Variants in OOSP3 observed in about 807,000 individuals in gnomAD.
OOSP3 encodes oocyte secreted protein family member 3, also known as oocyte-secreted protein 3.
chr11:59,883,738 G>C (rs777006176), intron 2 of OOSP3, among the ~76,000 whole-genome samples: 6 of 152,270 alleles, frequency 3.9e-5, no homozygotes, highest in Non-Finnish European at 7.4e-5. Flanking sequence ...AAAGACAGGG[G>C]ACTGCACAAT....
intron 2 of OOSP3, among the ~76,000 whole-genome samples, chr11:59,881,188 G>T (rs1397892808): frequency 6.6e-6 from 1 of 151,712 alleles, no homozygotes; most frequent in Non-Finnish European, 1.5e-5. Context: ...GTGAAATGCT[G>T]TCTCTACTAA....
intron 2 of OOSP3, among the ~76,000 whole-genome samples, chr11:59,885,058 G>C (rs1273276514): frequency 6.6e-6 from 1 of 152,136 alleles, no homozygotes; most frequent in Non-Finnish European, 1.5e-5. Flanking sequence ...TTTATCTTTG[G>C]TTGTGGAGAG....
intron 1 of OOSP3, among the ~76,000 whole-genome samples, chr11:59,879,201 A>G (rs1853179272): frequency 6.6e-6 from 1 of 152,018 alleles, no homozygotes; most frequent in Admixed American, 6.6e-5. Context: ...TCCACCTCCC[A>G]CCCTGATCTC....
At chr11:59,895,428 A>G (rs942886192) in intron 3 of OOSP3, 74 bp from the exon 4 acceptor site, 1 of 397,106 alleles carries the variant, frequency 2.5e-6, no homozygotes, top group Non-Finnish European at 4.4e-6. Flanking sequence ...AATTCAGACA[A>G]AAAGAGACTT....
chr11:59,896,146 A>G (rs745649614), exon 5 of OOSP3: 2 of 398,320 alleles, frequency 5.0e-6, no homozygotes, highest in Non-Finnish European at 8.9e-6. Flanking sequence ...GAGGCATCTC[A>G]TCAGTCACTT....
intron 3 of OOSP3, 133 bp from the exon 4 acceptor site, chr11:59,895,369 T>C (rs1853346174): frequency 2.6e-6 from 1 of 384,578 alleles, no homozygotes; most frequent in East Asian, 3.7e-5. Context: ...GGCAGAGAGG[T>C]AGCAGTGTTA....
intron 2 of OOSP3, among the ~76,000 whole-genome samples, chr11:59,892,878 CA>C (rs201637456): frequency 0.012 from 1,896 of 152,258 alleles, 14 homozygotes; most frequent in Non-Finnish European, 0.019. Context: ...GAGATTCTAT[CA>C]TTTTTTTCTT....
At chr11:59,885,578 T>A (rs1853247505) in intron 2 of OOSP3, among the ~76,000 whole-genome samples, 1 of 152,212 alleles carries the variant, frequency 6.6e-6, no homozygotes, top group Admixed American at 6.5e-5. Flanking sequence ...GTATTTGATT[T>A]TCTGTTCCTG....
chr11:59,891,346 G>A (rs1394949823), intron 2 of OOSP3, among the ~76,000 whole-genome samples: 1 of 152,192 alleles, frequency 6.6e-6, no homozygotes, highest in Non-Finnish European at 1.5e-5. Flanking sequence ...ATTTGGAGGG[G>A]AAGAGGCATT....
intron 2 of OOSP3, among the ~76,000 whole-genome samples, chr11:59,887,676 A>G (rs950090200): frequency 8.5e-5 from 13 of 152,190 alleles, no homozygotes; most frequent in African/African-American, 3.1e-4. Context: ...TTGCACCAGT[A>G]CCATGCTGTT....
chr11:59,893,389 CT>C (rs1258421859), intron 2 of OOSP3, among the ~76,000 whole-genome samples: 2 of 151,924 alleles, frequency 1.3e-5, no homozygotes, highest in Admixed American at 6.6e-5. Context: ...GAGTCTTGTT[CT>C]GTCATCAAGG....
At chr11:59,884,991 A>AT (rs1305092516) in intron 2 of OOSP3, among the ~76,000 whole-genome samples, 2 of 152,248 alleles carry the variant, frequency 1.3e-5, no homozygotes, top group Admixed American at 6.5e-5. Context: ...ATTGTTAAAT[A>AT]TGATGTTGGC....
chr11:59,896,195 A>C (rs1853356029), exon 5 of OOSP3: 1 of 398,448 alleles, frequency 2.5e-6, no homozygotes, highest in Non-Finnish European at 4.4e-6. Context: ...ATGAGAGTGC[A>C]AATGTAGCTA....
At chr11:59,884,450 T>G (rs502768) in intron 2 of OOSP3, among the ~76,000 whole-genome samples, 1 of 124,402 alleles carries the variant, frequency 8.0e-6, no homozygotes, top group Non-Finnish European at 1.7e-5. Context: ...CATGTCTGTT[T>G]GTCTGTCTGT....
intron 2 of OOSP3, among the ~76,000 whole-genome samples, chr11:59,888,933 T>G (rs150577983): frequency 1.3e-5 from 2 of 152,182 alleles, no homozygotes; most frequent in African/African-American, 4.8e-5. Context: ...GTCCTGGGCT[T>G]CTTTGTTTGT....
chr11:59,880,483 T>C, intron 2 of OOSP3, 44 bp downstream of exon 2: 1 of 398,350 alleles, frequency 2.5e-6, no homozygotes, highest in African/African-American at 2.1e-5. Flanking sequence ...ACCCCTAGGT[T>C]GTACCTTGCA....
At chr11:59,888,758 CT>C (rs942888281) in intron 2 of OOSP3, among the ~76,000 whole-genome samples, 4 of 152,056 alleles carry the variant, frequency 2.6e-5, no homozygotes, top group Non-Finnish European at 5.9e-5. Context: ...CTGAAGTTTT[CT>C]TTTTTTGTTG....
intron 2 of OOSP3, among the ~76,000 whole-genome samples, chr11:59,887,546 A>G (rs12274018): frequency 0.28 from 42,741 of 152,100 alleles, 6,720 homozygotes; most frequent in Middle Eastern, 0.51. Context: ...CCATTTATTA[A>G]ATAGGAAATC....
chr11:59,889,670 T>C (rs112938747), intron 2 of OOSP3, among the ~76,000 whole-genome samples: 1,633 of 152,216 alleles, frequency 0.011, 22 homozygotes, highest in African/African-American at 0.037. Context: ...ACTGTTATAT[T>C]TCAGTTCTTT....
Sources: allele counts gnomAD v4.1 joint callset (sites outside exome capture counted in the v4.1 genomes callset), GRCh38; gene constraint gnomAD v4.1.1; transcripts MANE v1.5; gene names NCBI Gene and HGNC (gene_info 2026-07-23, HGNC 2026-07-21).